QTMAN: variants seen among roughly 807,000 people sequenced by gnomAD.
QTMAN encodes the protein queuosine-tRNA mannosyltransferase.
the QTMAN span, among the ~76,000 whole-genome samples, chr2:144,101,686 T>A: frequency 6.6e-6 from 1 of 151,992 alleles, no homozygotes; most frequent in Non-Finnish European, 1.5e-5. Flanking sequence ...TTTACACATA[T>A]AAATAAATAT....
chr2:144,012,989 T>G, the QTMAN span, among the ~76,000 whole-genome samples: 23 of 152,138 alleles, frequency 1.5e-4, no homozygotes, highest in African/African-American at 5.1e-4. Flanking sequence ...GGAGGAGTAG[T>G]AGAGCCACAG....
At chr2:144,162,194 G>C in the QTMAN span, among the ~76,000 whole-genome samples, 24 of 152,262 alleles carry the variant, frequency 1.6e-4, no homozygotes, top group Admixed American at 1.4e-3. Context: ...AAACCATGCT[G>C]ACACTGTCCT....
At chr2:144,228,592 G>A in the QTMAN span, among the ~76,000 whole-genome samples, 1 of 152,146 alleles carries the variant, frequency 6.6e-6, no homozygotes, top group Non-Finnish European at 1.5e-5. Flanking sequence ...GAGAGAAAAC[G>A]GGAGGGATCT....
At chr2:144,096,775 CAG>C in the QTMAN span, among the ~76,000 whole-genome samples, 6 of 152,332 alleles carry the variant, frequency 3.9e-5, no homozygotes, top group South Asian at 1.0e-3. Context: ...ACACAAATGT[CAG>C]AGAGTGACTG....
chr2:144,165,778 C>T, the QTMAN span, among the ~76,000 whole-genome samples: 1 of 152,180 alleles, frequency 6.6e-6, no homozygotes, highest in African/African-American at 2.4e-5. Context: ...GAGTCATCTC[C>T]TTTGACTCAC....
At chr2:144,274,593 G>A in the QTMAN span, among the ~76,000 whole-genome samples, 1 of 152,186 alleles carries the variant, frequency 6.6e-6, no homozygotes, top group Admixed American at 6.5e-5. Flanking sequence ...TCAGTTCGAG[G>A]AGCTTCCAGG....
At chr2:144,137,352 A>G in the QTMAN span, among the ~76,000 whole-genome samples, 1 of 152,110 alleles carries the variant, frequency 6.6e-6, no homozygotes, top group African/African-American at 2.4e-5. Flanking sequence ...CTGCCCTGCC[A>G]TAGAATGGCT....
At chr2:144,019,694 G>A in the QTMAN span, among the ~76,000 whole-genome samples, 2 of 152,114 alleles carry the variant, frequency 1.3e-5, no homozygotes, top group Non-Finnish European at 2.9e-5. Flanking sequence ...CAGAAAGGAT[G>A]CTTCCTAACT....
the QTMAN span, chr2:144,141,885 C>T: frequency 6.2e-7 from 1 of 1,605,598 alleles, no homozygotes; most frequent in Non-Finnish European, 8.5e-7. Context: ...TACTGACCTG[C>T]TCACATCAGG....
At chr2:143,975,354 T>C in the QTMAN span, among the ~76,000 whole-genome samples, 1 of 152,232 alleles carries the variant, frequency 6.6e-6, no homozygotes, top group Non-Finnish European at 1.5e-5. Context: ...TTCATACATA[T>C]TGAATACAAT....
chr2:144,013,001 G>A, the QTMAN span, among the ~76,000 whole-genome samples: 10 of 152,180 alleles, frequency 6.6e-5, no homozygotes, highest in African/African-American at 1.7e-4. Context: ...GAGCCACAGC[G>A]TTGTATCCCT....
chr2:143,958,116 T>C, the QTMAN span, among the ~76,000 whole-genome samples: 2 of 152,132 alleles, frequency 1.3e-5, no homozygotes, highest in African/African-American at 2.4e-5. Flanking sequence ...ATTTAGAAGA[T>C]AGTATTTTGG....
chr2:144,085,925 G>T, the QTMAN span, among the ~76,000 whole-genome samples: 333 of 152,176 alleles, frequency 2.2e-3, 1 homozygote, highest in African/African-American at 7.6e-3. Flanking sequence ...TCCAATGGGG[G>T]TTTTCACAAG....
chr2:143,999,665 C>A, the QTMAN span, among the ~76,000 whole-genome samples: 1 of 152,040 alleles, frequency 6.6e-6, no homozygotes, highest in Non-Finnish European at 1.5e-5. Context: ...AACTCACCCA[C>A]CCCTGACTAT....
At chr2:143,961,960 A>T in the QTMAN span, among the ~76,000 whole-genome samples, 21 of 152,258 alleles carry the variant, frequency 1.4e-4, no homozygotes, top group Non-Finnish European at 1.9e-4. Flanking sequence ...GAGAAAGGAA[A>T]AGATAGCTTC....
chr2:144,255,921 ATGG>A, the QTMAN span, among the ~76,000 whole-genome samples: 1 of 152,156 alleles, frequency 6.6e-6, no homozygotes, highest in African/African-American at 2.4e-5. Flanking sequence ...GGGGAGGTTG[ATGG>A]TTGGGGGAAG....
the QTMAN span, among the ~76,000 whole-genome samples, chr2:144,277,504 GTA>G: frequency 6.6e-6 from 1 of 152,092 alleles, no homozygotes; most frequent in Non-Finnish European, 1.5e-5. Context: ...CAGGAATGCT[GTA>G]TCCACATACC....
chr2:143,957,288 C>A, the QTMAN span: 3 of 1,611,578 alleles, frequency 1.9e-6, no homozygotes, highest in Non-Finnish European at 2.5e-6. Context: ...GGGTAAGTAG[C>A]CCCAGTGTAA....
the QTMAN span, among the ~76,000 whole-genome samples, chr2:144,268,799 T>TG: frequency 1.3e-5 from 2 of 151,958 alleles, no homozygotes; most frequent in Non-Finnish European, 2.9e-5. Flanking sequence ...AAATTTCCAT[T>TG]TTTTTTTGTT....
Sources: allele counts gnomAD v4.1 joint callset (sites outside exome capture counted in the v4.1 genomes callset), GRCh38; gene constraint gnomAD v4.1.1; transcripts MANE v1.5; gene names NCBI Gene and HGNC (gene_info 2026-07-23, HGNC 2026-07-21).